LMO7: variants seen among roughly 807,000 people sequenced by gnomAD.
LMO7 encodes the protein LIM domain only protein 7.
LMO7 carries 120 observed loss-of-function variants against 206.5 expected under a neutral mutation model. The observed-to-expected ratio is 0.58, with a 90% CI of 0.50 to 0.68. The LOEUF is 0.68. LMO7 is among the 30% of genes least tolerant of loss of function. The pLI, the probability that LMO7 is intolerant of heterozygous loss-of-function variation, is 0.00. For missense variants in LMO7, 1,959 were observed against 1,957.9 expected (o/e 1.00, Z -0.01); for synonymous variants, 706 against 681.5 (o/e 1.04, Z -0.56).
intron 11 of LMO7, among the ~76,000 whole-genome samples, chr13:75,813,347 C>G (rs574631586): frequency 6.6e-6 from 1 of 152,168 alleles, no homozygotes; most frequent in Non-Finnish European, 1.5e-5. Flanking sequence ...ATGGCCCAGA[C>G]GGTTTTAAAA....
rs1385572262 is a variant in LMO7 at position 75,693,747 on chromosome 13, T to G, written c.70-19435T>G. On this transcript the variant is annotated intron_variant, in intron 1 of 30. Coordinates refer to ENST00000377534, the MANE Select transcript of LMO7 (RefSeq NM_001306080.2). ...CCATCTGTCTGCTCAGGGACTCTTG[T>G]TTCTGCATGTGGCCGAGGAGCATGG... Among the ~76,000 whole-genome samples the G allele has an allele frequency of 3.9e-5, 6 of 152,320 alleles. No homozygotes were observed. The South Asian group carries it at 8.3e-4, about 21-fold the overall frequency.
chr13:75,679,899 T>A (rs906602039), intron 1 of LMO7, among the ~76,000 whole-genome samples: 7 of 152,294 alleles, frequency 4.6e-5, no homozygotes, highest in Admixed American at 3.9e-4. Context: ...GATTCTTTTT[T>A]AAAAAAATTT....
At position 75,654,573 on chromosome 13, in the gene LMO7, G is replaced by T. The variant is rs1016042570; in HGVS notation, c.69+17847G>T. On this transcript the variant is annotated intron_variant, in intron 1 of 30. Transcript: ENST00000377534. ...TAGATGGGGCTGTGGCGTGTGGGGG[G>T]TTAGAGATGGGGCAAACAAAACAAC... Among the ~76,000 whole-genome samples the T allele has an allele frequency of 3.9e-5, 6 of 152,092 alleles. No individual in the cohort carries two copies. The South Asian group carries it at 1.2e-3, about 32-fold the overall frequency.
At chr13:75,648,428 CTG>C (rs1349294624) in intron 1 of LMO7, among the ~76,000 whole-genome samples, 5 of 152,206 alleles carry the variant, frequency 3.3e-5, no homozygotes, top group Non-Finnish European at 7.3e-5. Flanking sequence ...GAACTTAGAT[CTG>C]TCTCATAGAA....
At chr13:75,693,347 TA>T (rs2041643619) in intron 1 of LMO7, among the ~76,000 whole-genome samples, 1 of 150,738 alleles carries the variant, frequency 6.6e-6, no homozygotes, top group Admixed American at 6.6e-5. Flanking sequence ...TTTGTTCTAT[TA>T]TTAGCCTGTT....
chr13:75,687,016 T>A (rs910637104), intron 1 of LMO7, among the ~76,000 whole-genome samples: 1 of 152,152 alleles, frequency 6.6e-6, no homozygotes, highest in Non-Finnish European at 1.5e-5. Context: ...TACCTCCTAA[T>A]ACTGTCACAT....
At chr13:75,723,416 A>G (rs1797716834) in intron 2 of LMO7, among the ~76,000 whole-genome samples, 1 of 152,186 alleles carries the variant, frequency 6.6e-6, no homozygotes, top group African/African-American at 2.4e-5. Flanking sequence ...GTTCAATGTC[A>G]TCTTCCTTGT....
At chr13:75,834,785 T>C (rs559933202) in intron 17 of LMO7, among the ~76,000 whole-genome samples, 1 of 152,342 alleles carries the variant, frequency 6.6e-6, no homozygotes, top group South Asian at 2.1e-4. Flanking sequence ...TATTTCTATT[T>C]ATTCTCAAAG....
intron 3 of LMO7, among the ~76,000 whole-genome samples, chr13:75,752,277 C>G (rs935330297): frequency 3.3e-5 from 5 of 151,674 alleles, no homozygotes; most frequent in African/African-American, 1.2e-4. Flanking sequence ...ATTACAGGCG[C>G]CCGCCACTAT....
At chr13:75,835,378 A>G in intron 18 of LMO7, 39 bp downstream of exon 18, 2 of 1,330,126 alleles carry the variant, frequency 1.5e-6, no homozygotes, top group Non-Finnish European at 2.1e-6. Flanking sequence ...GGTGTGGAGT[A>G]AAGCAGCTGT....
At chr13:75,666,222 T>A (rs1381716867) in intron 1 of LMO7, among the ~76,000 whole-genome samples, 2 of 152,244 alleles carry the variant, frequency 1.3e-5, no homozygotes, top group South Asian at 4.1e-4. Context: ...TGTTCCATTA[T>A]TGGAACGTTA....
At chr13:75,842,978 C>T (rs182660944) in intron 25 of LMO7, 62 bp downstream of exon 25, 2 of 1,020,654 alleles carry the variant, frequency 2.0e-6, no homozygotes, top group South Asian at 1.3e-5. Flanking sequence ...TATTCCAGAG[C>T]TTGCATCGAT....
intron 1 of LMO7, among the ~76,000 whole-genome samples, chr13:75,641,128 C>T (rs2036490985): frequency 6.6e-6 from 1 of 152,184 alleles, no homozygotes; most frequent in South Asian, 2.1e-4. Context: ...CCCAGCAGTG[C>T]CATCAGGTAC....
intron 8 of LMO7, 26 bp from the exon 9 acceptor site, chr13:75,805,453 C>T (rs377241731): frequency 2.5e-6 from 4 of 1,607,000 alleles, no homozygotes; most frequent in Non-Finnish European, 3.4e-6. Context: ...CATACAGTGT[C>T]TTAACCGGTT....
chr13:75,731,663 C>G (rs2045238929), intron 3 of LMO7, among the ~76,000 whole-genome samples: 2 of 151,194 alleles, frequency 1.3e-5, no homozygotes, highest in South Asian at 2.1e-4. Context: ...TGAATTTGAA[C>G]CTGTCATTAT....
intron 2 of LMO7, among the ~76,000 whole-genome samples, chr13:75,625,435 G>A (rs1483286696): frequency 2.8e-5 from 1 of 35,136 alleles, no homozygotes; most frequent in East Asian, 1.3e-3. Context: ...GCATGTGTGT[G>A]TGTGTGTGTG....
In LMO7 at chr13:75,842,927, C is replaced by A; in HGVS notation, c.4097+11C>A. The A allele has an allele frequency of 6.5e-7, 1 of 1,537,316 alleles. No individual in the cohort carries two copies. The highest frequency in any genetic ancestry group is 9.0e-7 in the Non-Finnish European group (1 of 1,111,822). ...TCTTCCTGGTGACAGGTATGTAGAGCATGTTATTGTAATTTAATTGATGAT... is the reference window on the plus strand; with the variant it reads ...TCTTCCTGGTGACAGGTATGTAGAGAATGTTATTGTAATTTAATTGATGAT... On this transcript the variant is annotated intron_variant, in intron 25 of 30. Coordinates refer to ENST00000377534, the MANE Select transcript of LMO7 (RefSeq NM_001306080.2).
intron 4 of LMO7, among the ~76,000 whole-genome samples, chr13:75,778,358 G>A (rs1487768270): frequency 6.6e-6 from 1 of 151,718 alleles, no homozygotes; most frequent in Admixed American, 6.6e-5. Context: ...TCAGCCTCCC[G>A]AGTAGCTGGG....
intron 1 of LMO7, among the ~76,000 whole-genome samples, chr13:75,638,350 A>T (rs2036180130): frequency 6.6e-6 from 1 of 152,022 alleles, no homozygotes. Context: ...GGTTTTCTCC[A>T]AGAAATTTGT....
Sources: gnomAD v4.1 joint callset for allele counts (sites outside exome capture counted in the v4.1 genomes callset) on GRCh38, gnomAD v4.1.1 for gene constraint, MANE v1.5 for transcripts, NCBI Gene and HGNC (gene_info 2026-07-23, HGNC 2026-07-21) for gene names.